Variants in LDAH observed in about 807,000 individuals in gnomAD.
LDAH encodes lipid droplet-associated hydrolase.
In LDAH, 26 loss-of-function variants were observed where a neutral mutation model predicts 29.6. The observed-to-expected ratio is 0.88, with a 90% CI of 0.64 to 1.22. The LOEUF is 1.22. LDAH is among the 50% of genes most tolerant of loss of function. The pLI, the probability that LDAH is intolerant of heterozygous loss-of-function variation, is 0.00. For synonymous variants in LDAH, 117 were observed against 133.0 expected (o/e 0.88, Z 0.83); for missense variants, 344 against 387.3 (o/e 0.89, Z 0.94).
At chr2:20,745,763 T>C (rs1019555744) in intron 4 of LDAH, among the ~76,000 whole-genome samples, 2 of 152,216 alleles carry the variant, frequency 1.3e-5, no homozygotes, top group Non-Finnish European at 2.9e-5. Flanking sequence ...TAATAAATGA[T>C]CATAACAATT....
At position 20,686,357 on chromosome 2, in the gene LDAH, TA is replaced by T. The variant is rs1358421945; in HGVS notation, c.*545del. On this transcript the variant is annotated 3_prime_UTR_variant, in exon 7 of 7. Coordinates refer to ENST00000237822, the MANE Select transcript of LDAH (RefSeq NM_021925.4). ...TGATGATCTCAGCCAAGATCTGTGC[TA>T]AGTTAGCCTGGGCTCATCTTCATCT... 1 of 152,892 alleles carries T rather than the reference TA, an allele frequency of 6.5e-6. No homozygotes were observed. The highest frequency in any genetic ancestry group is 1.9e-4 in the East Asian group (1 of 5,224). 9.5% of individuals were successfully genotyped at this position (152,892 alleles called of 1,614,324 possible). A position where few individuals can be genotyped will look rare whatever the true frequency, so the allele number is the denominator to read the frequency against.
intron 5 of LDAH, among the ~76,000 whole-genome samples, chr2:20,712,906 T>C (rs919267303): frequency 5.3e-5 from 8 of 152,162 alleles, no homozygotes; most frequent in African/African-American, 1.9e-4. Flanking sequence ...ACCAAATCTA[T>C]GTTTGATTAG....
chr2:20,711,486 G>A (rs1310691228), intron 5 of LDAH, among the ~76,000 whole-genome samples: 1 of 152,142 alleles, frequency 6.6e-6, no homozygotes, highest in Non-Finnish European at 1.5e-5. Flanking sequence ...GAAGACGGGT[G>A]ATTTCTGCAT....
At position 20,684,869 on chromosome 2, in the gene LDAH, C is replaced by T. The variant is rs1222640062; in HGVS notation, c.*2034G>A. The T allele has an allele frequency of 2.3e-5, 35 of 1,546,932 alleles. No homozygotes were observed. The highest frequency in any genetic ancestry group is 2.8e-5 in the Non-Finnish European group (32 of 1,145,522). ...TCTTCCACTGTTTGTCCATTTTAGT[C>T]TAATCCCTAATGAAACAGAATGAAC... On this transcript the variant is annotated 3_prime_UTR_variant, in exon 7 of 7. Transcript: ENST00000237822.
At chr2:20,822,163 C>T (rs1673362586) in intron 1 of LDAH, among the ~76,000 whole-genome samples, 2 of 150,516 alleles carry the variant, frequency 1.3e-5, no homozygotes, top group African/African-American at 2.4e-5. Context: ...CTCACTTTGT[C>T]GCCCAGGCTA....
chr2:20,804,012 A>T (rs1178555808), intron 1 of LDAH, among the ~76,000 whole-genome samples: 1 of 152,196 alleles, frequency 6.6e-6, no homozygotes, highest in Non-Finnish European at 1.5e-5. Context: ...TTGTTACATG[A>T]AGCCTTCCTT....
At position 20,698,188 on chromosome 2, in the gene LDAH, G is replaced by T. The variant is rs1402185873; in HGVS notation, c.786+3382C>A. On this transcript the variant is annotated intron_variant, in intron 6 of 6. Transcript: ENST00000237822. The surrounding 1 kb of genome is among the most constrained non-coding windows in gnomAD (Gnocchi z 4.4). ...CACATATTTACTGACTGTTTACCAG[G>T]TATGAATTATGCTAGGCCCTAGGGG... Among the ~76,000 whole-genome samples the T allele has an allele frequency of 6.6e-6, 1 of 152,178 alleles. No homozygotes were observed. Among genetic ancestry groups the T allele is most frequent in the African/African-American group, 2.4e-5 (1 of 41,440 alleles).
Position 20,684,593 on chromosome 2 carries a change from G to A in LDAH, c.*2310C>T, listed in dbSNP as rs754525198. ...AGAAAAATCAAGCCTTTGGTGGTCCGTGTCTCTCCAAAGGTTGAGTGGAGA... is the reference window on the plus strand; with the variant it reads ...AGAAAAATCAAGCCTTTGGTGGTCCATGTCTCTCCAAAGGTTGAGTGGAGA... On this transcript the variant is annotated 3_prime_UTR_variant, in exon 7 of 7. Transcript: ENST00000237822. The A allele has an allele frequency of 2.3e-4, 63 of 269,358 alleles. No homozygotes were observed. Among genetic ancestry groups the A allele is most frequent in the Non-Finnish European group, 3.7e-4 (54 of 144,684 alleles). 16.7% of individuals were successfully genotyped at this position (269,358 alleles called of 1,614,324 possible).
At chr2:20,809,588 T>C (rs191086250) in intron 1 of LDAH, among the ~76,000 whole-genome samples, 83 of 152,216 alleles carry the variant, frequency 5.5e-4, no homozygotes, top group Non-Finnish European at 1.1e-3. Context: ...AATATATATA[T>C]ACACACAGGA....
At chr2:20,739,714 T>G (rs1667038852) in intron 5 of LDAH, among the ~76,000 whole-genome samples, 1 of 152,202 alleles carries the variant, frequency 6.6e-6, no homozygotes, top group South Asian at 2.1e-4. Flanking sequence ...GCGGAAGAAG[T>G]GTTTCTCACT....
intron 1 of LDAH, among the ~76,000 whole-genome samples, chr2:20,808,277 A>G (rs899168607): frequency 1.7e-4 from 26 of 152,236 alleles, no homozygotes; most frequent in African/African-American, 6.0e-4. Context: ...TAAAATTCCA[A>G]TCCAAATCAG....
intron 5 of LDAH, among the ~76,000 whole-genome samples, chr2:20,711,584 A>G (rs1181542544): frequency 1.3e-5 from 2 of 152,190 alleles, no homozygotes; most frequent in Non-Finnish European, 2.9e-5. Context: ...AGGGCGGGGC[A>G]TCGCCTCACC....
chr2:20,738,758 G>A (rs76893106), intron 5 of LDAH, among the ~76,000 whole-genome samples: 4,217 of 152,068 alleles, frequency 0.028, 127 homozygotes, highest in Admixed American at 0.08. Context: ...ATGGAAGGGG[G>A]AAAAAATCTA....
Position 20,686,359 on chromosome 2 carries a change from A to C in LDAH, c.*544T>G, listed in dbSNP as rs1298301401. 1 of 152,902 alleles carries C rather than the reference A, an allele frequency of 6.5e-6. No individual in the cohort carries two copies. The highest frequency in any genetic ancestry group is 1.5e-5 in the Non-Finnish European group (1 of 68,608). The allele number at this position is 152,902 out of a possible 1,614,324, so 9.5% of individuals were successfully genotyped here. ...ATGATCTCAGCCAAGATCTGTGCTA[A>C]GTTAGCCTGGGCTCATCTTCATCTT... On this transcript the variant is annotated 3_prime_UTR_variant, in exon 7 of 7. Transcript: ENST00000237822.
chr2:20,786,311 T>C (rs188968722), intron 3 of LDAH, among the ~76,000 whole-genome samples: 2,282 of 152,194 alleles, frequency 0.015, 23 homozygotes, highest in Middle Eastern at 0.048. Context: ...TGCCTCAACC[T>C]CCCGAGTAGC....
chr2:20,749,458 A>C (rs894502244), intron 4 of LDAH, among the ~76,000 whole-genome samples: 2 of 152,224 alleles, frequency 1.3e-5, no homozygotes, highest in African/African-American at 4.8e-5. Context: ...CAGTACTAAG[A>C]TGAGGCAAAG....
At chr2:20,687,168 G>A (rs1224666339) in intron 6 of LDAH, 74 bp from the exon 7 acceptor site, 4 of 1,287,070 alleles carry the variant, frequency 3.1e-6, no homozygotes, top group Non-Finnish European at 4.4e-6. Context: ...CCAGCAGCCG[G>A]CAGTGCTCTG....
chr2:20,742,671 T>C (rs1198490232), intron 4 of LDAH, among the ~76,000 whole-genome samples: 1 of 152,206 alleles, frequency 6.6e-6, no homozygotes, highest in African/African-American at 2.4e-5. Flanking sequence ...CCATTTACTT[T>C]TCATTTACAT....
intron 3 of LDAH, among the ~76,000 whole-genome samples, chr2:20,776,890 A>G (rs1210021473): frequency 6.6e-6 from 1 of 152,230 alleles, no homozygotes; most frequent in African/African-American, 2.4e-5. Flanking sequence ...CAGTAGGTGC[A>G]GTACAAAGAT....
Sources: gnomAD v4.1 joint callset for allele counts (sites outside exome capture counted in the v4.1 genomes callset) on GRCh38, gnomAD v4.1.1 for gene constraint, Gnocchi (gnomAD v3.1) non-coding constraint, MANE v1.5 for transcripts, NCBI Gene and HGNC (gene_info 2026-07-23, HGNC 2026-07-21) for gene names.